The following AKAP13 variants were observed in gnomAD, a reference collection of about 807,000 sequenced individuals.
AKAP13 encodes A-kinase anchoring protein 13.
Under a neutral mutation model 264.5 loss-of-function variants are expected in AKAP13, and 80 were observed. That is an observed-to-expected ratio of 0.30 (90% confidence interval 0.25 to 0.36). AKAP13 has a LOEUF of 0.36. AKAP13 is among the 10% of genes least tolerant of loss of function. AKAP13 has a pLI of 1.00. For synonymous variants in AKAP13, 1,380 were observed against 1,250.2 expected, an observed-to-expected ratio of 1.10 and a Z score of -2.19; for missense variants, 3,712 against 3,435.2, an observed-to-expected ratio of 1.08 and a Z score of -2.01.
intron 1 of AKAP13, among the ~76,000 whole-genome samples, chr15:85,386,487 A>G (rs544554022): frequency 1.6e-3 from 241 of 151,432 alleles, no homozygotes; most frequent in Non-Finnish European, 2.6e-3. Context: ...ATGGGGTTTC[A>G]CCATGTTGAC....
chr15:85,422,702 G>A (rs367907193), intron 1 of AKAP13, among the ~76,000 whole-genome samples: 23 of 152,322 alleles, frequency 1.5e-4, no homozygotes, highest in African/African-American at 5.3e-4. Context: ...CTTGTGAATA[G>A]GAGTTGCTGT....
At chr15:85,516,616 C>T (rs28520896) in intron 2 of AKAP13, among the ~76,000 whole-genome samples, 23,573 of 152,108 alleles carry the variant, frequency 0.15, 2,769 homozygotes, top group African/African-American at 0.32. Flanking sequence ...GGGCCTGCCA[C>T]GGCCTTCCTT....
intron 1 of AKAP13, among the ~76,000 whole-genome samples, chr15:85,418,916 A>T (rs2072375214): frequency 6.6e-6 from 1 of 152,224 alleles, no homozygotes; most frequent in South Asian, 2.1e-4. Flanking sequence ...AAGTATAGAT[A>T]ATTAAATTCA....
At chr15:85,455,774 G>C (rs979404269) in intron 1 of AKAP13, among the ~76,000 whole-genome samples, 2 of 152,090 alleles carry the variant, frequency 1.3e-5, no homozygotes, top group African/African-American at 4.8e-5. Flanking sequence ...CTGACACCGA[G>C]ATAAAACTCA....
intron 12 of AKAP13, among the ~76,000 whole-genome samples, chr15:85,662,081 A>G (rs552616822): frequency 5.3e-5 from 8 of 152,348 alleles, no homozygotes; most frequent in African/African-American, 1.9e-4. Flanking sequence ...CTGAAGAGCA[A>G]GCCATAGGTA....
At chr15:85,457,359 C>A (rs982046274) in intron 1 of AKAP13, among the ~76,000 whole-genome samples, 1 of 152,158 alleles carries the variant, frequency 6.6e-6, no homozygotes, top group African/African-American at 2.4e-5. Context: ...AAGGAAAACA[C>A]CATCTCGGCT....
chr15:85,551,911 G>A (rs953967800), intron 5 of AKAP13, among the ~76,000 whole-genome samples: 2 of 152,096 alleles, frequency 1.3e-5, no homozygotes, highest in African/African-American at 4.8e-5. Flanking sequence ...TTTCTTAAAC[G>A]CATACCAATA....
At position 85,515,759 on chromosome 15, in the gene AKAP13, A is replaced by AG. The variant is rs1468533200; in HGVS notation, c.34-5667dup. On this transcript the variant is annotated intron_variant, in intron 2 of 36. Coordinates refer to ENST00000394518, the MANE Select transcript of AKAP13 (RefSeq NM_007200.5). Reference sequence around the variant, plus strand: ...TAGATTGAAGTTATGCATTTTTGTTAGGAACACTGTAAGTGATGCTGTGTC... The same window carrying AG: ...TAGATTGAAGTTATGCATTTTTGTTAGGGAACACTGTAAGTGATGCTGTGTC... 1.4e-5 allele frequency among the ~76,000 whole-genome samples: 2 copies of AG among 138,248 alleles called. 1 individual carries two copies. The highest frequency in any genetic ancestry group is 4.1e-4 in the East Asian group (2 of 4,926). 90.7% of individuals were successfully genotyped at this position (138,248 alleles called of 152,430 possible).
rs2077646727 is a variant in AKAP13, at chr15:85,543,827, G to C, written c.534G>C (p.Arg178Ser). 2 of 1,614,120 alleles carry C rather than the reference G, an allele frequency of 1.2e-6. No homozygotes were observed. Among genetic ancestry groups the C allele is most frequent in the African/African-American group, 1.3e-5 (1 of 75,044 alleles). ...TTGCTGTGCGGCTGGGACTGCTGAGGTTGACGTGGTTCCTGTTGCAGAAGC... is the reference window on the plus strand; with the variant it reads ...TTGCTGTGCGGCTGGGACTGCTGAGCTTGACGTGGTTCCTGTTGCAGAAGC... The part of the protein sequence containing the change: ...MHFAVRLGLL[R>S]LTWFLLQKPG... The change falls in exon 5 of 37, where the codon AGG becomes AGC. Residue 178 changes from arginine to serine, a missense_variant. Coordinates refer to ENST00000394518, the MANE Select transcript of AKAP13 (RefSeq NM_007200.5).
intron 1 of AKAP13, among the ~76,000 whole-genome samples, chr15:85,483,628 G>A (rs1183036190): frequency 9.9e-5 from 4 of 40,270 alleles, no homozygotes; most frequent in South Asian, 5.8e-4. Flanking sequence ...GCGAGACTCC[G>A]TCTCAAAAAA....
In AKAP13 at chr15:85,735,055, G is replaced by A. The variant is rs564747492; in HGVS notation, c.7346G>A (p.Ser2449Asn). The A allele has an allele frequency of 4.3e-6, 7 of 1,614,230 alleles. No individual in the cohort carries two copies. The South Asian group carries it at 7.7e-5, about 18-fold the overall frequency. Residue 2449 changes from serine to asparagine, a missense_variant, in exon 31 of 37, where the codon AGC becomes AAC. By Grantham distance (46) the Ser-to-Asn change is conservative. Transcript: ENST00000394518. ...LGGTLGPTVS[S>N]PIEQDVVGPV... ...GGCACACTTGGGCCGACTGTCAGCA[G>A]CCCCATTGAGCAAGATGTGGTCGGT...
At position 85,439,974 on chromosome 15, in the gene AKAP13, AAATAAT is replaced by A. The variant is rs562499747; in HGVS notation, c.-11-45718_-11-45713del. On this transcript the variant is annotated intron_variant, in intron 1 of 36. Coordinates refer to ENST00000394518, the MANE Select transcript of AKAP13 (RefSeq NM_007200.5). ...ACCCTAAAACTTAAAGTATAATAAA[AAATAAT>A]AATAATAATAATAATAAATAAAAAC... Among the ~76,000 whole-genome samples the A allele has an allele frequency of 1.9e-4, 27 of 143,522 alleles. No individual in the cohort carries two copies. In the East Asian group the frequency reaches 2.0e-3, roughly 10 times the overall value. 94.2% of individuals were successfully genotyped at this position (143,522 alleles called of 152,430 possible).
At chr15:85,611,814 G>A (rs1204211889) in intron 8 of AKAP13, among the ~76,000 whole-genome samples, 1 of 152,030 alleles carries the variant, frequency 6.6e-6, no homozygotes, top group Admixed American at 6.5e-5. Context: ...GCCTTATGCA[G>A]TCTTCTGCCT....
intron 9 of AKAP13, among the ~76,000 whole-genome samples, chr15:85,644,964 C>T (rs2082487407): frequency 6.6e-6 from 1 of 152,114 alleles, no homozygotes; most frequent in African/African-American, 2.4e-5. Flanking sequence ...CCCATCTTTA[C>T]AAAAAATAAA....
rs762278238 is a variant in AKAP13 at position 85,743,508 on chromosome 15, C to A, written c.8075C>A (p.Thr2692Asn). The change falls in exon 36 of 37, where the codon ACC (threonine) becomes AAC (asparagine). Residue 2692 changes from threonine (T) to asparagine (N), a missense_variant. Thr to Asn is a moderately conservative substitution (Grantham distance 65, BLOSUM62 0). This residue lies in a region of AKAP13 where 611 missense variants were observed against 539.3 expected (regional missense o/e 1.13). Transcript: ENST00000394518. ...RDLCQVSHPH[T>N]KLMRIPSFFP... is the part of the protein sequence containing the mutation. ...TATGTACAGGTTTCCCATCCACATA[C>A]CAAGCTGATGAGGATCCCATCGTTC... The A allele has an allele frequency of 6.2e-7, 1 of 1,613,862 alleles. No individual in the cohort carries two copies. The highest frequency in any genetic ancestry group is 8.5e-7 in the Non-Finnish European group (1 of 1,179,806).
rs78722829 is a variant in AKAP13 at position 85,474,192 on chromosome 15, A to G, written c.-11-11518A>G. Among the ~76,000 whole-genome samples the G allele has an allele frequency of 4.5e-3, 691 of 152,346 alleles. 3 individuals are homozygous for G. Among genetic ancestry groups the G allele is most frequent in the Non-Finnish European group, 8.2e-3 (556 of 68,032 alleles). ...CAGTGGTTAAAAAACACAAGCTAAC[A>G]TGTTCTCAGCTCTTCCTCCAAGAGG... On this transcript the variant is annotated intron_variant, in intron 1 of 36. Transcript: ENST00000394518.
intron 14 of AKAP13, chr15:85,676,832 A>G (rs2084255115): frequency 1.4e-6 from 1 of 693,370 alleles, no homozygotes. Flanking sequence ...GGAGATGAGA[A>G]TGTAAACAAA....
chr15:85,713,670 A>G (rs2086756378), intron 19 of AKAP13, among the ~76,000 whole-genome samples: 1 of 152,116 alleles, frequency 6.6e-6, no homozygotes, highest in South Asian at 2.1e-4. Context: ...GGTTTCTGCT[A>G]TTTTATTGTG....
chr15:85,501,773 C>A (rs2076043578), intron 2 of AKAP13, among the ~76,000 whole-genome samples: 1 of 152,248 alleles, frequency 6.6e-6, no homozygotes, highest in Non-Finnish European at 1.5e-5. Context: ...CTTCAGAAAC[C>A]TAGGCTTTTA....
Sources: gnomAD v4.1 joint callset for allele counts (sites outside exome capture counted in the v4.1 genomes callset) on GRCh38, gnomAD v4.1.1 for gene constraint, gnomAD v4.1.1 regional missense constraint, MANE v1.5 for transcripts, NCBI Gene and HGNC (gene_info 2026-07-23, HGNC 2026-07-21) for gene names.